SART3: variants seen among roughly 807,000 people sequenced by gnomAD.
SART3 encodes the protein HIV-1 Tat-interacting protein of 110kDa.
A neutral mutation model predicts 122.3 loss-of-function variants in SART3; 44 were observed. That is an observed-to-expected ratio of 0.36 (90% CI 0.28 to 0.46). The LOEUF (loss-of-function observed/expected upper bound fraction) is 0.46, where lower values mean the gene tolerates loss of function less well. SART3 is among the 20% of genes least tolerant of loss of function. The pLI is 1.00. For synonymous variants in SART3, 442 were observed against 454.0 expected, an observed-to-expected ratio of 0.97 and a Z score of 0.34; for missense variants, 1,101 against 1,229.0, an observed-to-expected ratio of 0.90 and a Z score of 1.56.
chr12:108,556,788 C>A (rs1015225579), intron 1 of SART3, among the ~76,000 whole-genome samples: 1 of 152,226 alleles, frequency 6.6e-6, no homozygotes, highest in Admixed American at 6.5e-5. Flanking sequence ...GAGAAGGATA[C>A]ACTTTCTTCA....
chr12:108,535,637 A>C, intron 11 of SART3, 169 bp from the exon 12 acceptor site: 1 of 677,748 alleles, frequency 1.5e-6, no homozygotes. Flanking sequence ...ACCCAGCCCA[A>C]ACACTTGAGC....
chr12:108,528,710 G>A (rs903262228), intron 15 of SART3, among the ~76,000 whole-genome samples: 1 of 152,168 alleles, frequency 6.6e-6, no homozygotes, highest in Non-Finnish European at 1.5e-5. Context: ...ACAGGGTGGG[G>A]ATGGCACATA....
chr12:108,545,454 C>A, intron 3 of SART3, 131 bp from the exon 4 acceptor site: 1 of 797,960 alleles, frequency 1.3e-6, no homozygotes, highest in Non-Finnish European at 2.1e-6. Context: ...GAAGGCCTAA[C>A]AGCAGAGATG....
Position 108,532,257 on chromosome 12 carries a change from A to G in SART3, c.1634T>C (p.Val545Ala), listed in dbSNP as rs1239850012. 6.2e-7 allele frequency: 1 copy of G among 1,614,172 alleles called. No homozygotes were observed. Among genetic ancestry groups the G allele is most frequent in the Non-Finnish European group, 8.5e-7 (1 of 1,180,006 alleles). ...CTCCATGGTGAGTAACACTTCGCAG[A>G]CGTGCTCTGGGTAGTCACTGGTGCA... ...VQCTSDYPEH[V>A]CEVLLTMERT... The change falls in exon 13 of 19, where the codon GTC (valine) becomes GCC (alanine). Residue 545 changes from valine (V) to alanine (A), a missense_variant. Physicochemically the swap from Val to Ala is moderately conservative, Grantham distance 64. Transcript: ENST00000546815.
intron 8 of SART3, 53 bp downstream of exon 8, chr12:108,538,012 G>A: frequency 3.1e-6 from 5 of 1,612,106 alleles, no homozygotes; most frequent in Non-Finnish European, 4.2e-6. Flanking sequence ...ACCGCTCTCT[G>A]TTTTTCACTT....
At chr12:108,537,778 T>C in intron 8 of SART3, 183 bp from the exon 9 acceptor site, 1 of 667,616 alleles carries the variant, frequency 1.5e-6, no homozygotes, top group Non-Finnish European at 2.6e-6. Context: ...GACTGTGTTC[T>C]AGAAAAAACT....
chr12:108,546,810 C>T (rs1873445721), intron 3 of SART3, among the ~76,000 whole-genome samples: 1 of 152,142 alleles, frequency 6.6e-6, no homozygotes, highest in Non-Finnish European at 1.5e-5. Context: ...CATAAGCCAC[C>T]ATGCCTGGCC....
rs1167773786 is a variant in SART3, at chr12:108,537,502, A to G, written c.1295T>C (p.Val432Ala). 2 of 1,612,824 alleles carry G rather than the reference A, an allele frequency of 1.2e-6. No homozygotes were observed. Among genetic ancestry groups the G allele is most frequent in the South Asian group, 1.1e-5 (1 of 91,068 alleles). The change falls in exon 9 of 19, where the codon GTT becomes GCT. Residue 432 changes from valine to alanine, a missense_variant. By Grantham distance (64) the Val-to-Ala change is moderately conservative (BLOSUM62 0). This residue lies in a region of SART3 where 885 missense variants were observed against 1,080.1 expected (regional missense o/e 0.82). Coordinates refer to ENST00000546815, the MANE Select transcript of SART3 (RefSeq NM_014706.4). Reference sequence around the variant, plus strand: ...TGCTTAAATACCTTGTTTGAAATCAACCCTTCTCCTCAGGTAATCAAGGTA... The same window carrying G: ...TGCTTAAATACCTTGTTTGAAATCAGCCCTTCTCCTCAGGTAATCAAGGTA... ...QAYLDYLRRRVDFKQDSSKEL... is the reference protein window; with the variant it reads ...QAYLDYLRRRADFKQDSSKEL...
chr12:108,523,809 A>G, intron 18 of SART3, 175 bp from the exon 19 acceptor site: 1 of 679,394 alleles, frequency 1.5e-6, no homozygotes, highest in Non-Finnish European at 2.5e-6. Flanking sequence ...AACTGCTTCA[A>G]CAGACTTGGC....
intron 6 of SART3, among the ~76,000 whole-genome samples, chr12:108,541,139 A>G (rs140530500): frequency 6.6e-6 from 1 of 152,250 alleles, no homozygotes; most frequent in African/African-American, 2.4e-5. Flanking sequence ...AGTTGCAGTG[A>G]CTCACGCCTG....
chr12:108,536,719 T>A lies in SART3; in HGVS notation c.1376A>T (p.Glu459Val). 6.2e-7 allele frequency: 1 copy of A among 1,613,940 alleles called. No homozygotes were observed. Among genetic ancestry groups the A allele is most frequent in the Non-Finnish European group, 8.5e-7 (1 of 1,179,912 alleles). Residue 459 changes from glutamate to valine, a missense_variant, in exon 10 of 19, where the codon GAG becomes GTG. Coordinates refer to ENST00000546815, the MANE Select transcript of SART3 (RefSeq NM_014706.4). ...FTRALEYLKQ[E>V]VEERFNESGD... Reference sequence around the variant, plus strand: ...TGGGGCATACTTACGCTCTTCCACCTCCTGCTTCAGATACTCCAAGGCACG... The same window carrying A: ...TGGGGCATACTTACGCTCTTCCACCACCTGCTTCAGATACTCCAAGGCACG...
chr12:108,554,256 A>T (rs2030127026), intron 1 of SART3: 1 of 292 alleles, frequency 3.4e-3, no homozygotes, highest in South Asian at 0.12. Context: ...AGTACCTTGT[A>T]TGTCTTATCC....
Position 108,526,175 on chromosome 12 carries a change from A to G in SART3, c.2294T>C (p.Met765Thr). ...EEKSALQALE[M>T]DRKSVEGRPM... is the part of the protein sequence containing the mutation. ...CCTCCCTTCTACACTTTTCCGGTCC[A>G]TCTCCAGTGCCTGAAGGGCTGATTT... Residue 765 changes from methionine (M) to threonine (T), a missense_variant, in exon 16 of 19, where the codon ATG becomes ACG. Met to Thr is a moderately conservative substitution (Grantham distance 81). Coordinates refer to ENST00000546815, the MANE Select transcript of SART3 (RefSeq NM_014706.4). The G allele has an allele frequency of 6.2e-7, 1 of 1,614,210 alleles. No homozygotes were observed. The highest frequency in any genetic ancestry group is 8.5e-7 in the Non-Finnish European group (1 of 1,180,034).
At chr12:108,531,356 C>T in intron 13 of SART3, 76 bp from the exon 14 acceptor site, 1 of 1,089,900 alleles carries the variant, frequency 9.2e-7, no homozygotes, top group Non-Finnish European at 1.4e-6. Flanking sequence ...TTCTTAATTT[C>T]TCTGTACCTC....
intron 17 of SART3, 80 bp downstream of exon 17, chr12:108,525,377 G>T (rs984078398): frequency 6.7e-7 from 1 of 1,501,582 alleles, no homozygotes; most frequent in Non-Finnish European, 9.3e-7. Flanking sequence ...CATTCTAGAG[G>T]TTAAATCATC....
In SART3 at chr12:108,560,916, G is replaced by A; in HGVS notation, c.239C>T (p.Pro80Leu). The change falls in exon 1 of 19, where the codon CCC becomes CTC. Residue 80 changes from proline to leucine, a missense_variant. Around this residue, in one of 2 missense-constraint regions of SART3, gnomAD observed 216 missense variants for 148.9 expected, o/e 1.45. Coordinates refer to ENST00000546815, the MANE Select transcript of SART3 (RefSeq NM_014706.4). ...YAMASSAESS[P>L]GEYEWEYDEE... Reference sequence around the variant, plus strand: ...GTCATATTCCCACTCGTACTCCCCGGGGGAGCTCTCCGCGGAGGAAGCCAT... The same window carrying A: ...GTCATATTCCCACTCGTACTCCCCGAGGGAGCTCTCCGCGGAGGAAGCCAT... The A allele has an allele frequency of 1.2e-6, 2 of 1,613,864 alleles. No individual in the cohort carries two copies. The highest frequency in any genetic ancestry group is 1.7e-6 in the Non-Finnish European group (2 of 1,179,902).
chr12:108,527,995 C>T (rs1872470119), intron 15 of SART3, among the ~76,000 whole-genome samples: 1 of 151,976 alleles, frequency 6.6e-6, no homozygotes, highest in Non-Finnish European at 1.5e-5. Flanking sequence ...TGACCCCTGA[C>T]CTCAGGTGAT....
rs1441780937 is a variant in SART3, at chr12:108,530,290, G to A, written c.1767C>T (p.Ala589=). ...QRMKAAEKEA[A]LVQQEEEKAE... is the part of the protein sequence containing the mutation. ...CCTTTTCTTCTTCTTGCTGCACAAG[G>A]GCTGCTTCCTTCTCTGCAGCCTAGA... Residue 589 remains alanine (A), a synonymous_variant, in exon 15 of 19, where the codon GCC becomes GCT. Coordinates refer to ENST00000546815, the MANE Select transcript of SART3 (RefSeq NM_014706.4). 1.2e-6 allele frequency: 2 copies of A among 1,614,026 alleles called. No individual in the cohort carries two copies. Among genetic ancestry groups the A allele is most frequent in the Non-Finnish European group, 1.7e-6 (2 of 1,180,032 alleles).
rs773247023 is a variant in SART3 at position 108,547,957 on chromosome 12, G to A, written c.474C>T (p.Ser158=). 12 of 1,613,634 alleles carry A rather than the reference G, an allele frequency of 7.4e-6. No homozygotes were observed. Among genetic ancestry groups the A allele is most frequent in the Middle Eastern group, 1.6e-4 (1 of 6,062 alleles). ...LWLEWLHDEI[S]MAQDGLDREH... is the part of the protein sequence containing the mutation. ...CTCTGTCCAGGCCATCCTGGGCCAT[G>A]CTGATCTCGTCATGCAGCCACTCCA... The change falls in exon 3 of 19, where the codon AGC becomes AGT. Residue 158 remains serine, a synonymous_variant. Coordinates refer to ENST00000546815, the MANE Select transcript of SART3 (RefSeq NM_014706.4).
Sources: gnomAD v4.1 joint callset for allele counts (sites outside exome capture counted in the v4.1 genomes callset) on GRCh38, gnomAD v4.1.1 for gene constraint, gnomAD v4.1.1 regional missense constraint, MANE v1.5 for transcripts, NCBI Gene and HGNC (gene_info 2026-07-23, HGNC 2026-07-21) for gene names.